UGGT2: variants seen among roughly 807,000 people sequenced by gnomAD.
UGGT2 encodes UDP-glucose:glycoprotein glucosyltransferase 2.
UGGT2 carries 180 observed loss-of-function variants against 192.1 expected under a neutral mutation model. The ratio of observed to expected loss-of-function variants is 0.94; its 90% CI spans 0.83 to 1.06. The LOEUF (loss-of-function observed/expected upper bound fraction) is 1.06, where lower values mean the gene tolerates loss of function less well. UGGT2 is among the 50% of genes least tolerant of loss of function. UGGT2 has a pLI of 0.00. For missense variants in UGGT2, 1,849 were observed against 1,795.7 expected, an observed-to-expected ratio of 1.03 and a Z score of -0.54; for synonymous variants, 580 against 591.0, an observed-to-expected ratio of 0.98 and a Z score of 0.27.
intron 27 of UGGT2, among the ~76,000 whole-genome samples, chr13:95,881,517 C>T (rs4254181): frequency 0.84 from 128,240 of 152,108 alleles, 54,323 homozygotes; most frequent in East Asian, 0.93. Flanking sequence ...ATTCATAATA[C>T]AGTATTATTT....
intron 7 of UGGT2, chr13:95,990,717 C>T (rs2051429656): frequency 6.6e-6 from 1 of 151,990 alleles, no homozygotes; most frequent in African/African-American, 2.4e-5. Context: ...GCACAACTTA[C>T]AAAATACATA....
In UGGT2 at chr13:95,946,989, G is replaced by T. The variant is rs1387249699; in HGVS notation, c.1677+48C>A. On this transcript the variant is annotated intron_variant, in intron 15 of 38. Coordinates refer to ENST00000376747, the MANE Select transcript of UGGT2 (RefSeq NM_020121.4). ...TCTAAAGAAATCATAATATAGTAAT[G>T]CAAGAATTTTACCTTCTAAACAAAT... The T allele has an allele frequency of 2.0e-6, 3 of 1,471,080 alleles. No homozygotes were observed. In the African/African-American group the frequency reaches 4.2e-5, roughly 21 times the overall value. 91.1% of individuals were successfully genotyped at this position (1,471,080 alleles called of 1,614,324 possible). A position where few individuals can be genotyped will look rare whatever the true frequency, so the allele number is the denominator to read the frequency against.
chr13:95,940,063 T>A lies in UGGT2; in HGVS notation c.1706A>T (p.Asn569Ile). ...HMYQKVKKDQ[N>I]ILTVDNVKSV... ...CTTCACATTGTCCACAGTGAGTATA[T>A]TTTGATCCTTCTTCACTTTTTGGTA... Residue 569 changes from asparagine to isoleucine, a missense_variant, in exon 16 of 39, where the codon AAT becomes ATT. Physicochemically the swap from Asn to Ile is moderately radical, Grantham distance 149. Transcript: ENST00000376747. 1 of 1,546,442 alleles carries A rather than the reference T, an allele frequency of 6.5e-7. No homozygotes were observed. Among genetic ancestry groups the A allele is most frequent in the Admixed American group, 2.0e-5 (1 of 50,558 alleles).
chr13:95,951,014 T>C (rs2050044225), intron 12 of UGGT2, among the ~76,000 whole-genome samples: 1 of 152,134 alleles, frequency 6.6e-6, no homozygotes, highest in South Asian at 2.1e-4. Flanking sequence ...CTTGAAGAAA[T>C]TAGGTTTCTA....
chr13:95,860,868 C>T lies in UGGT2; in HGVS notation c.3660G>A (p.Leu1220=). The change falls in exon 32 of 39, where the codon TTG becomes TTA. Residue 1220 remains leucine, a synonymous_variant. Coordinates refer to ENST00000376747, the MANE Select transcript of UGGT2 (RefSeq NM_020121.4). ...WDSIKSFTVS[L]HKENKKEKDV... ...CTTTTTCCTTTTTGTTTTCTTTATG[C>T]AAGCTTACTGTGAAACTTGGAATAA... The T allele has an allele frequency of 1.3e-6, 2 of 1,562,418 alleles. No homozygotes were observed. Among genetic ancestry groups the T allele is most frequent in the South Asian group, 1.3e-5 (1 of 79,114 alleles).
chr13:95,980,922 C>T (rs1338720270), intron 10 of UGGT2, among the ~76,000 whole-genome samples: 4 of 152,094 alleles, frequency 2.6e-5, no homozygotes, highest in African/African-American at 7.2e-5. Flanking sequence ...TGCTGGAACC[C>T]GGGAGGCAGA....
intron 1 of UGGT2, among the ~76,000 whole-genome samples, chr13:96,037,264 T>C (rs1390613140): frequency 1.3e-5 from 2 of 152,210 alleles, no homozygotes; most frequent in Admixed American, 1.3e-4. Flanking sequence ...AGTGGTGCGA[T>C]CTTGACTCAC....
rs112274450 is a variant in UGGT2, at chr13:95,853,999, T to C, written c.4169+316A>G. Among the ~76,000 whole-genome samples, 44 of 152,296 alleles carry C rather than the reference T, an allele frequency of 2.9e-4. 2 individuals are homozygous for C. In the Middle Eastern group the frequency reaches 0.037, roughly 130 times the overall value. The stretch of plus-strand genomic sequence containing the variant: ...AATCTTCTGGAGTAGTTAGGAGCCA[T>C]ATTACTTGGGTTTAACTCTTAGCTC... On this transcript the variant is annotated intron_variant, in intron 35 of 38. Coordinates refer to ENST00000376747, the MANE Select transcript of UGGT2 (RefSeq NM_020121.4).
intron 21 of UGGT2, 77 bp from the exon 22 acceptor site, chr13:95,901,015 T>C (rs1325443161): frequency 1.9e-6 from 2 of 1,044,892 alleles, no homozygotes; most frequent in Admixed American, 3.7e-5. Context: ...AAAAAACTAA[T>C]ATTAGTATAA....
intron 20 of UGGT2, among the ~76,000 whole-genome samples, chr13:95,912,784 A>C (rs1434722753): frequency 6.6e-6 from 1 of 152,198 alleles, no homozygotes; most frequent in Non-Finnish European, 1.5e-5. Context: ...TGCCAAGACA[A>C]TCCTAAGCCA....
chr13:95,840,439 A>C (rs1887742881), intron 36 of UGGT2, among the ~76,000 whole-genome samples: 1 of 152,222 alleles, frequency 6.6e-6, no homozygotes, highest in Admixed American at 6.5e-5. Context: ...AACATACGAA[A>C]TAAAGTTCAT....
chr13:95,991,922 C>T (rs1419972742), intron 7 of UGGT2, among the ~76,000 whole-genome samples: 1 of 151,972 alleles, frequency 6.6e-6, no homozygotes, highest in African/African-American at 2.4e-5. Flanking sequence ...CTTGGGAGAC[C>T]GAGGCAGGCG....
intron 5 of UGGT2, among the ~76,000 whole-genome samples, chr13:96,007,767 A>G (rs2139047589): frequency 1.3e-5 from 2 of 152,264 alleles, no homozygotes; most frequent in South Asian, 4.1e-4. Flanking sequence ...AAACTACAAC[A>G]CTGATGAAAG....
intron 29 of UGGT2, 105 bp downstream of exon 29, chr13:95,877,174 G>T: frequency 2.0e-6 from 2 of 979,720 alleles, no homozygotes; most frequent in Non-Finnish European, 2.9e-6. Context: ...GAGCCACTGC[G>T]CCAGGCCAAT....
intron 24 of UGGT2, among the ~76,000 whole-genome samples, chr13:95,892,865 T>C (rs1014591488): frequency 6.6e-6 from 1 of 152,148 alleles, no homozygotes; most frequent in African/African-American, 2.4e-5. Flanking sequence ...AGGAGGGTCA[T>C]TATTGCCGCA....
At chr13:95,960,599 T>TA (rs1055501515) in intron 12 of UGGT2, among the ~76,000 whole-genome samples, 8 of 151,042 alleles carry the variant, frequency 5.3e-5, no homozygotes, top group East Asian at 3.9e-4. Flanking sequence ...CCCAGAAGAT[T>TA]AAAAAAAAAG....
intron 12 of UGGT2, among the ~76,000 whole-genome samples, chr13:95,963,832 A>T (rs2050481158): frequency 6.6e-6 from 1 of 152,210 alleles, no homozygotes; most frequent in South Asian, 2.1e-4. Context: ...GAGGTAAAAG[A>T]TCTGTACAAG....
intron 1 of UGGT2, among the ~76,000 whole-genome samples, chr13:96,046,848 T>C (rs559322751): frequency 6.6e-6 from 1 of 152,174 alleles, no homozygotes; most frequent in Non-Finnish European, 1.5e-5. Context: ...AAGAGTCCCA[T>C]GTCCACGGAG....
At chr13:95,818,251 T>C (rs1419827037) in intron 38 of UGGT2, among the ~76,000 whole-genome samples, 2 of 152,158 alleles carry the variant, frequency 1.3e-5, no homozygotes, top group Non-Finnish European at 2.9e-5. Context: ...AGATCGAGGA[T>C]GCAATGAGCC....
Sources: allele counts gnomAD v4.1 joint callset (sites outside exome capture counted in the v4.1 genomes callset), GRCh38; gene constraint gnomAD v4.1.1; transcripts MANE v1.5; gene names NCBI Gene and HGNC (gene_info 2026-07-23, HGNC 2026-07-21).